SPATA6L: variants seen among roughly 807,000 people sequenced by gnomAD.
SPATA6L encodes spermatogenesis associated 6 like.
In SPATA6L, 68 loss-of-function variants were observed where a neutral mutation model predicts 49.2. The observed-to-expected ratio is 1.38, with a 90% CI of 1.14 to 1.69. The LOEUF (loss-of-function observed/expected upper bound fraction) is 1.69, where lower values mean the gene tolerates loss of function less well. SPATA6L is among the 40% of genes most tolerant of loss of function. SPATA6L has a pLI of 0.00. For missense variants in SPATA6L, 668 were observed against 464.3 expected (o/e 1.44, Z -4.03); for synonymous variants, 198 against 165.7 (o/e 1.19, Z -1.50).
intron 1 of SPATA6L, chr9:4,665,041 A>G (rs1840659884): frequency 6.0e-6 from 1 of 167,156 alleles, no homozygotes; most frequent in Admixed American, 6.5e-5. Flanking sequence ...TATTAGGGGC[A>G]TGAAATTAGG....
At chr9:4,663,884 C>T (rs1443474941) in intron 1 of SPATA6L, 3 of 166,936 alleles carry the variant, frequency 1.8e-5, no homozygotes, top group Non-Finnish European at 4.4e-5. Flanking sequence ...ATTTGTGGAT[C>T]GGGTAGTGGG....
intron 9 of SPATA6L, among the ~76,000 whole-genome samples, chr9:4,607,538 C>T (rs1182170183): frequency 1.3e-5 from 2 of 152,162 alleles, no homozygotes; most frequent in Non-Finnish European, 2.9e-5. Flanking sequence ...CATATCCAGC[C>T]AAACTAAGCT....
chr9:4,594,373 C>G (rs543912568), downstream of SPATA6L, among the ~76,000 whole-genome samples: 3 of 152,156 alleles, frequency 2.0e-5, no homozygotes, highest in South Asian at 6.2e-4. Context: ...GCATGCCTGG[C>G]TAACTTTTTT....
At chr9:4,632,569 C>T (rs1174717419) in intron 4 of SPATA6L, among the ~76,000 whole-genome samples, 2 of 147,396 alleles carry the variant, frequency 1.4e-5, no homozygotes, top group Admixed American at 6.9e-5. Context: ...GCACTCCAGC[C>T]TGGGCAACAG....
intron 7 of SPATA6L, 58 bp from the exon 8 acceptor site, chr9:4,618,956 C>A: frequency 6.6e-7 from 1 of 1,506,728 alleles, no homozygotes; most frequent in Non-Finnish European, 9.2e-7. Flanking sequence ...AGCCTTAAAA[C>A]TGCCATTATA....
chr9:4,615,193 T>A (rs1162211870), intron 9 of SPATA6L, among the ~76,000 whole-genome samples: 1 of 152,230 alleles, frequency 6.6e-6, no homozygotes, highest in Non-Finnish European at 1.5e-5. Context: ...ACCCTTCTTC[T>A]TTATACTCCA....
At chr9:4,631,791 CAGTG>C (rs1191018266) in intron 4 of SPATA6L, among the ~76,000 whole-genome samples, 1 of 152,134 alleles carries the variant, frequency 6.6e-6, no homozygotes, top group African/African-American at 2.4e-5. Context: ...TAGCATCATT[CAGTG>C]AGTAAGAGTG....
chr9:4,607,394 G>C (rs1357367666), intron 9 of SPATA6L, among the ~76,000 whole-genome samples: 4 of 152,014 alleles, frequency 2.6e-5, no homozygotes, highest in African/African-American at 9.7e-5. Context: ...CAGCCAGAGA[G>C]AAAGGTCGGG....
At chr9:4,647,524 G>A (rs301474) in intron 3 of SPATA6L, among the ~76,000 whole-genome samples, 94,561 of 152,054 alleles carry the variant, frequency 0.62, 31,085 homozygotes, top group African/African-American at 0.85. Context: ...CCTGGGAGGT[G>A]AAGGCTGCAG....
In SPATA6L at chr9:4,617,918, C is replaced by T; in HGVS notation, c.995+5G>A. 6.2e-7 allele frequency: 1 copy of T among 1,602,200 alleles called. No individual in the cohort carries two copies. Among genetic ancestry groups the T allele is most frequent in the South Asian group, 1.1e-5 (1 of 88,820 alleles). ...CAGGCAAACAGATGGGTGCTTGCCA[C>T]TGACCTTTCTCTGAGAAGGGGCTGA... is the stretch of plus-strand genomic sequence containing the variant. On this transcript the variant is annotated splice_donor_5th_base_variant and intron_variant, in intron 9 of 11. Coordinates refer to ENST00000682582, the MANE Select transcript of SPATA6L (RefSeq NM_001353486.2).
At chr9:4,656,953 T>C (rs993339607) in intron 2 of SPATA6L, among the ~76,000 whole-genome samples, 8 of 149,952 alleles carry the variant, frequency 5.3e-5, no homozygotes, top group African/African-American at 7.6e-5. Flanking sequence ...TACACTCCCA[T>C]AGAATAAGGA....
rs1835331045 is a variant in SPATA6L at position 4,646,152 on chromosome 9, A to C, written c.226+9889T>G. ...CACACACACACACACACACCCCACA[A>C]ATTAGAACACAGCCAAAGGCCAAAA... On this transcript the variant is annotated intron_variant, in intron 3 of 11. Transcript: ENST00000682582. 3 of 167,698 alleles carry C rather than the reference A, an allele frequency of 1.8e-5. No individual in the cohort carries two copies. In the South Asian group the frequency reaches 5.3e-4, roughly 30 times the overall value. 10.4% of individuals were successfully genotyped at this position (167,698 alleles called of 1,614,324 possible).
intron 9 of SPATA6L, 49 bp downstream of exon 9, chr9:4,617,874 C>T (rs1828367113): frequency 6.7e-7 from 1 of 1,483,730 alleles, no homozygotes; most frequent in African/African-American, 1.4e-5. Context: ...TTACCCCTGC[C>T]AGGCCACAAT....
In SPATA6L at chr9:4,662,879, C is replaced by T. The variant is rs147381142; in HGVS notation, c.40-843G>A. 1.2e-6 allele frequency: 2 copies of T among 1,606,572 alleles called. No homozygotes were observed. Among genetic ancestry groups the T allele is most frequent in the African/African-American group, 2.7e-5 (2 of 75,040 alleles). ...GGGCCGGGCGCGAGGTGCTGATGAACCTGCTCTTCGCCCTGCTGTTGGACC... is the reference window on the plus strand; with the variant it reads ...GGGCCGGGCGCGAGGTGCTGATGAATCTGCTCTTCGCCCTGCTGTTGGACC... On this transcript the variant is annotated intron_variant, in intron 1 of 11. Transcript: ENST00000682582. The surrounding 1 kb of genome is among the most constrained non-coding windows in gnomAD (Gnocchi z 4.9).
At chr9:4,595,406 C>G (rs1045116946), downstream of SPATA6L, among the ~76,000 whole-genome samples, 5 of 152,274 alleles carry the variant, frequency 3.3e-5, no homozygotes, top group Middle Eastern at 0.01. Flanking sequence ...AGAGTCTCCC[C>G]ACCGCCAGCC....
chr9:4,629,112 A>G lies in SPATA6L; in HGVS notation c.408T>C (p.Phe136=). The G allele has an allele frequency of 6.2e-7, 1 of 1,610,744 alleles. No homozygotes were observed. Among genetic ancestry groups the G allele is most frequent in the Non-Finnish European group, 8.5e-7 (1 of 1,178,126 alleles). Residue 136 remains phenylalanine, a synonymous_variant, in exon 5 of 12, where the codon TTT becomes TTC. Coordinates refer to ENST00000682582, the MANE Select transcript of SPATA6L (RefSeq NM_001353486.2). ...STRTAIRECV[F]LHRNRFLEER... ...TTACAAGAAATCTGTTTCTATGCAG[A>G]AACACACATTCTCTGATGGCTGTCC...
At chr9:4,613,590 C>A (rs988319834) in intron 9 of SPATA6L, among the ~76,000 whole-genome samples, 6 of 147,814 alleles carry the variant, frequency 4.1e-5, no homozygotes, top group African/African-American at 1.5e-4. Context: ...TCTCTAAGAA[C>A]TTTTTTTTTT....
intron 9 of SPATA6L, among the ~76,000 whole-genome samples, chr9:4,606,744 C>T (rs1270302815): frequency 6.8e-6 from 1 of 146,592 alleles, no homozygotes; most frequent in Non-Finnish European, 1.5e-5. Context: ...CGCCTCTCCT[C>T]CTCCAAAGGA....
rs1352020387 is a variant in SPATA6L at position 4,662,461 on chromosome 9, A to ATGGCGGCGG, written c.40-434_40-426dup. 1.3e-6 allele frequency: 2 copies of ATGGCGGCGG among 1,547,548 alleles called. No homozygotes were observed. Among genetic ancestry groups the ATGGCGGCGG allele is most frequent in the Admixed American group, 1.9e-5 (1 of 52,350 alleles). On this transcript the variant is annotated intron_variant, in intron 1 of 11. Transcript: ENST00000682582. This position sits in a 1 kb window ranked among gnomAD's most constrained non-coding sequence, Gnocchi z 4.9. Reference sequence around the variant, plus strand: ...AGCAGCAGCCCCGGCAGCCCAGCCCATGGCGGCGGTGGCGGCGGCAGCAGG... The same window carrying ATGGCGGCGG: ...AGCAGCAGCCCCGGCAGCCCAGCCCATGGCGGCGGTGGCGGCGGTGGCGGCGGCAGCAGG...
Sources: gnomAD v4.1 joint callset for allele counts (sites outside exome capture counted in the v4.1 genomes callset) on GRCh38, gnomAD v4.1.1 for gene constraint, Gnocchi (gnomAD v3.1) non-coding constraint, MANE v1.5 for transcripts, NCBI Gene and HGNC (gene_info 2026-07-23, HGNC 2026-07-21) for gene names.